Variants in POLQ observed in about 807,000 individuals in gnomAD.
The protein encoded by POLQ is DNA polymerase theta, also known as epididymis secretory sperm binding protein.
POLQ carries 233 observed loss-of-function variants against 259.2 expected under a neutral mutation model. The ratio of observed to expected loss-of-function variants is 0.90; its 90% CI spans 0.81 to 1.00. POLQ has a LOEUF of 1.00. Among genes scored for constraint, POLQ ranks in the 50% least tolerant of loss-of-function variants. The pLI is 0.00. For synonymous variants in POLQ, 1,025 were observed against 1,048.8 expected (o/e 0.98, Z 0.44); for missense variants, 2,871 against 3,051.6 (o/e 0.94, Z 1.39).
Position 121,472,144 on chromosome 3 carries a change from C to A in POLQ, c.6564G>T (p.Lys2188Asn). 1 of 1,495,886 alleles carries A rather than the reference C, an allele frequency of 6.7e-7. No homozygotes were observed. Among genetic ancestry groups the A allele is most frequent in the South Asian group, 1.3e-5 (1 of 75,690 alleles). 92.7% of individuals were successfully genotyped at this position (1,495,886 alleles called of 1,614,324 possible). ...STSKDVLNKL[K>N]ALHPLPGLIL... ...TCAAGCCTGGTAAAGGATGTAATGC[C>A]TTTAATTTATTTAAAACGTCCTGCC... The change falls in exon 22 of 30, where the codon AAG (lysine) becomes AAT (asparagine). Residue 2188 changes from lysine to asparagine, a missense_variant. By Grantham distance (94) the Lys-to-Asn change is moderately conservative (BLOSUM62 0). Coordinates refer to ENST00000264233, the MANE Select transcript of POLQ (RefSeq NM_199420.4).
chr3:121,497,897 C>T (rs766137210), intron 13 of POLQ, among the ~76,000 whole-genome samples: 5 of 152,228 alleles, frequency 3.3e-5, no homozygotes, highest in Non-Finnish European at 2.9e-5. Flanking sequence ...TTCTGATCAA[C>T]ACCTTCTTTA....
intron 25 of POLQ, among the ~76,000 whole-genome samples, chr3:121,455,704 T>C (rs2047729310): frequency 1.3e-5 from 2 of 152,160 alleles, no homozygotes; most frequent in South Asian, 2.1e-4. Flanking sequence ...AATCTCTGAA[T>C]AGACCAATAA....
chr3:121,450,781 C>T (rs2047668563), intron 25 of POLQ, among the ~76,000 whole-genome samples: 1 of 152,148 alleles, frequency 6.6e-6, no homozygotes, highest in African/African-American at 2.4e-5. Context: ...AGTTGCTCTT[C>T]TCGAGGAGTA....
chr3:121,491,567 T>G (rs1291135373), intron 15 of POLQ, among the ~76,000 whole-genome samples: 6 of 152,098 alleles, frequency 3.9e-5, no homozygotes, highest in Admixed American at 3.3e-4. Flanking sequence ...CCCTGTAGGT[T>G]GGCTAAAAAC....
chr3:121,509,168 C>G lies in POLQ; in HGVS notation c.1959+393G>C, dbSNP rs72969998. Among the ~76,000 whole-genome samples, 501 of 152,254 alleles carry G rather than the reference C, an allele frequency of 3.3e-3. 4 individuals are homozygous for G. Among genetic ancestry groups the G allele is most frequent in the African/African-American group, 0.011 (476 of 41,534 alleles). On this transcript the variant is annotated intron_variant, in intron 12 of 29. Coordinates refer to ENST00000264233, the MANE Select transcript of POLQ (RefSeq NM_199420.4). Reference sequence around the variant, plus strand: ...TTTTAGTTGCTAGAAAACCCAGAATCAAAGTTGACAACAGCATTGGACATG... The same window carrying G: ...TTTTAGTTGCTAGAAAACCCAGAATGAAAGTTGACAACAGCATTGGACATG...
At chr3:121,525,295 A>T (rs890297109) in intron 7 of POLQ, among the ~76,000 whole-genome samples, 1 of 151,932 alleles carries the variant, frequency 6.6e-6, no homozygotes, top group South Asian at 2.1e-4. Context: ...GGGCCAAGAT[A>T]GCGCCACTAC....
chr3:121,494,593 T>C, intron 14 of POLQ: 1 of 1,556,384 alleles, frequency 6.4e-7, no homozygotes, highest in East Asian at 2.3e-5. Context: ...ACAACGCGGA[T>C]CCCATCAAGC....
chr3:121,488,160 A>T lies in POLQ; in HGVS notation c.4771T>A (p.Leu1591Ile). 7 of 1,613,368 alleles carry T rather than the reference A, an allele frequency of 4.3e-6. No individual in the cohort carries two copies. Among genetic ancestry groups the T allele is most frequent in the Non-Finnish European group, 5.9e-6 (7 of 1,179,562 alleles). Residue 1591 changes from leucine (L) to isoleucine (I), a missense_variant, in exon 16 of 30, where the codon TTA becomes ATA. Transcript: ENST00000264233. ...TCAAGTACTGGATCACTTAGTTCTA[A>T]TGCTCTAGGAGATACTACAGTATGA... ...KNHTVVSPRA[L>I]ELSDPVLDEH...
chr3:121,475,042 A>C (rs1322170554), intron 20 of POLQ, among the ~76,000 whole-genome samples: 22 of 152,198 alleles, frequency 1.4e-4, no homozygotes, highest in Non-Finnish European at 4.4e-5. Flanking sequence ...ACTCTTAGTT[A>C]CTTTGAAATA....
chr3:121,498,968 T>C (rs1337416099), intron 12 of POLQ, among the ~76,000 whole-genome samples: 3 of 152,030 alleles, frequency 2.0e-5, no homozygotes. Context: ...GTAATCCCAA[T>C]GCTGTAGGAG....
chr3:121,467,435 T>A, intron 24 of POLQ, 84 bp downstream of exon 24: 1 of 1,337,926 alleles, frequency 7.5e-7, no homozygotes, highest in Non-Finnish European at 1.1e-6. Context: ...ATGCTCTAAG[T>A]CTCACTCATA....
At chr3:121,519,631 G>A (rs1162123797) in intron 9 of POLQ, among the ~76,000 whole-genome samples, 2 of 145,292 alleles carry the variant, frequency 1.4e-5, no homozygotes, top group African/African-American at 2.5e-5. Context: ...GGCCAAGATC[G>A]CGCCACTGCA....
At chr3:121,532,945 A>G in intron 6 of POLQ, 45 bp downstream of exon 6, 1 of 1,222,400 alleles carries the variant, frequency 8.2e-7, no homozygotes, top group African/African-American at 1.5e-5. Flanking sequence ...AAATGAAATC[A>G]AACACACAGA....
intron 16 of POLQ, 122 bp from the exon 17 acceptor site, chr3:121,485,306 T>A: frequency 1.7e-6 from 1 of 599,432 alleles, no homozygotes; most frequent in Admixed American, 3.5e-5. Flanking sequence ...TCTTAAAATA[T>A]GCATTTGGAC....
chr3:121,457,644 T>C (rs2047753618), intron 25 of POLQ, among the ~76,000 whole-genome samples: 1 of 152,200 alleles, frequency 6.6e-6, no homozygotes, highest in Non-Finnish European at 1.5e-5. Context: ...ATGCTCATCA[T>C]CACTGGCCAT....
chr3:121,441,417 T>C (rs1267248093), intron 26 of POLQ, among the ~76,000 whole-genome samples: 1 of 152,174 alleles, frequency 6.6e-6, no homozygotes, highest in Admixed American at 6.6e-5. Flanking sequence ...CCTCAGACAC[T>C]CACTCATCTG....
In POLQ at chr3:121,488,766, G is replaced by C. The variant is rs1229639472; in HGVS notation, c.4165C>G (p.His1389Asp). ...GTACCTACAGTCTTAAGGTCCAAAT[G>C]ATCTATCTTAGTCGCTCCTAGAGGG... ...QHPLGATKID[H>D]LDLKTVGTMK... Residue 1389 changes from histidine to aspartate, a missense_variant, in exon 16 of 30, where the codon CAT becomes GAT. Coordinates refer to ENST00000264233, the MANE Select transcript of POLQ (RefSeq NM_199420.4). 2 of 1,613,824 alleles carry C rather than the reference G, an allele frequency of 1.2e-6. No individual in the cohort carries two copies. Among genetic ancestry groups the C allele is most frequent in the Admixed American group, 3.3e-5 (2 of 59,992 alleles).
At chr3:121,456,309 G>T (rs1000936265) in intron 25 of POLQ, among the ~76,000 whole-genome samples, 5 of 151,928 alleles carry the variant, frequency 3.3e-5, no homozygotes, top group East Asian at 1.9e-4. Flanking sequence ...AGCATTCCCT[G>T]TGAAAACTGG....
chr3:121,490,696 G>C (rs2048060791), intron 15 of POLQ, among the ~76,000 whole-genome samples: 1 of 152,164 alleles, frequency 6.6e-6, no homozygotes, highest in Admixed American at 6.6e-5. Flanking sequence ...ATAAAGGAAG[G>C]CTTCACTAAG....
Sources: allele counts gnomAD v4.1 joint callset (sites outside exome capture counted in the v4.1 genomes callset), GRCh38; gene constraint gnomAD v4.1.1; transcripts MANE v1.5; gene names NCBI Gene and HGNC (gene_info 2026-07-23, HGNC 2026-07-21).